The following CMIP variants were observed in gnomAD, a reference collection of about 807,000 sequenced individuals.
CMIP encodes the protein c-Maf inducing protein.
CMIP carries 13 observed loss-of-function variants against 97.3 expected under a neutral mutation model. The observed-to-expected ratio is 0.13, with a 90% CI of 0.09 to 0.21. The LOEUF (loss-of-function observed/expected upper bound fraction) is 0.21, where lower values mean the gene tolerates loss of function less well. Among genes scored for constraint, CMIP ranks in the 10% least tolerant of loss-of-function variants. The pLI, the probability that CMIP is intolerant of heterozygous loss-of-function variation, is 1.00. For synonymous variants in CMIP, 538 were observed against 436.3 expected (o/e 1.23, Z -2.91); for missense variants, 847 against 1,024.9 (o/e 0.83, Z 2.37).
chr16:81,594,927 G>A (rs1378149124), intron 1 of CMIP, among the ~76,000 whole-genome samples: 5 of 151,402 alleles, frequency 3.3e-5, no homozygotes, highest in Admixed American at 2.6e-4. Flanking sequence ...CACCGCGCCC[G>A]GCCATACCTA....
At chr16:81,523,797 G>C (rs968140314) in intron 1 of CMIP, among the ~76,000 whole-genome samples, 7 of 152,232 alleles carry the variant, frequency 4.6e-5, no homozygotes, top group Non-Finnish European at 1.0e-4. Flanking sequence ...TCACCACCAG[G>C]TAACCCTGAA....
At chr16:81,689,417 A>G (rs1905801242) in intron 10 of CMIP, among the ~76,000 whole-genome samples, 1 of 152,316 alleles carries the variant, frequency 6.6e-6, no homozygotes, top group African/African-American at 2.4e-5. Flanking sequence ...AGTGATGATG[A>G]GCATTTTTTC....
At chr16:81,567,929 C>A (rs747754263) in intron 1 of CMIP, among the ~76,000 whole-genome samples, 1 of 151,942 alleles carries the variant, frequency 6.6e-6, no homozygotes, top group African/African-American at 2.4e-5. Context: ...GTTTCATTCT[C>A]CAGGCTTTAT....
chr16:81,545,870 G>A (rs537023142), intron 1 of CMIP, among the ~76,000 whole-genome samples: 1 of 152,266 alleles, frequency 6.6e-6, no homozygotes, highest in East Asian at 1.9e-4. Flanking sequence ...GAGCGAGCAC[G>A]GGATTCCCAC....
intron 7 of CMIP, chr16:81,665,738 C>T (rs557955455): frequency 3.9e-5 from 6 of 152,364 alleles, no homozygotes; most frequent in African/African-American, 1.4e-4. Context: ...GCCCCTTCCC[C>T]AGTCAGGAAT....
chr16:81,456,165 A>G (rs2150733468), intron 1 of CMIP, among the ~76,000 whole-genome samples: 1 of 152,290 alleles, frequency 6.6e-6, no homozygotes. Context: ...GTGGCAACTG[A>G]GCTCGGGGAG....
At chr16:81,676,729 G>C (rs144582095) in intron 9 of CMIP, among the ~76,000 whole-genome samples, 1 of 152,336 alleles carries the variant, frequency 6.6e-6, no homozygotes, top group Non-Finnish European at 1.5e-5. Context: ...GCATGTGCTG[G>C]ATACATTCAG....
chr16:81,509,490 C>A (rs1057021208), intron 1 of CMIP, among the ~76,000 whole-genome samples: 1 of 152,192 alleles, frequency 6.6e-6, no homozygotes, highest in Non-Finnish European at 1.5e-5. Context: ...CCTCTCTGAG[C>A]TTCTGGTTTT....
chr16:81,611,665 C>T (rs1305772533), intron 2 of CMIP, among the ~76,000 whole-genome samples: 1 of 152,164 alleles, frequency 6.6e-6, no homozygotes. Flanking sequence ...CTCCAGGCCT[C>T]TCACCACCTC....
At chr16:81,493,379 GTCGTTA>G (rs2089436157) in intron 1 of CMIP, among the ~76,000 whole-genome samples, 4 of 151,516 alleles carry the variant, frequency 2.6e-5, no homozygotes, top group African/African-American at 9.7e-5. Context: ...GTCGTTACCT[GTCGTTA>G]CCTGTTGTCT....
intron 1 of CMIP, among the ~76,000 whole-genome samples, chr16:81,446,339 G>A (rs1226620841): frequency 1.3e-5 from 2 of 152,034 alleles, no homozygotes; most frequent in Admixed American, 6.5e-5. Flanking sequence ...TGGATGAGTC[G>A]GAGAGGAAAA....
intron 2 of CMIP, chr16:81,610,344 C>G: frequency 2.0e-6 from 2 of 985,606 alleles, no homozygotes; most frequent in Non-Finnish European, 2.4e-6. Flanking sequence ...GAGCCTCTAG[C>G]TGCTCCAGCA....
At position 81,474,140 on chromosome 16, in the gene CMIP, C is replaced by T. The variant is rs555120928; in HGVS notation, c.300+28599C>T. Among the ~76,000 whole-genome samples, 4 of 152,248 alleles carry T rather than the reference C, an allele frequency of 2.6e-5. No homozygotes were observed. The South Asian group carries it at 8.3e-4, about 32-fold the overall frequency. On this transcript the variant is annotated intron_variant, in intron 1 of 20. Transcript: ENST00000537098. ...TCAGGCTGGGCACGGCCTCTCCACT[C>T]CCCCAGCCTCCTAGCCCACTGTACT... is the stretch of plus-strand genomic sequence containing the variant.
chr16:81,478,121 A>C (rs2150753757), intron 1 of CMIP, among the ~76,000 whole-genome samples: 1 of 149,554 alleles, frequency 6.7e-6, no homozygotes, highest in Admixed American at 6.6e-5. Context: ...CTTCCCCCCC[A>C]CCCCAGAAAG....
chr16:81,505,576 C>T (rs1447215813), intron 1 of CMIP, among the ~76,000 whole-genome samples: 1 of 152,230 alleles, frequency 6.6e-6, no homozygotes, highest in African/African-American at 2.4e-5. Flanking sequence ...TTTCCCCAGA[C>T]TGTGAAGAAA....
chr16:81,667,795 A>AGTGTGTGTGTGTGT (rs1201342935), intron 7 of CMIP, among the ~76,000 whole-genome samples: 1 of 68,096 alleles, frequency 1.5e-5, no homozygotes, highest in African/African-American at 5.8e-5. Flanking sequence ...AGAGAGAGAG[A>AGTGTGTGTGTGTGT]GAGAGTGTGT....
chr16:81,560,975 T>C (rs1023271701), intron 1 of CMIP, among the ~76,000 whole-genome samples: 3 of 152,138 alleles, frequency 2.0e-5, no homozygotes, highest in African/African-American at 7.2e-5. Flanking sequence ...TTTTTTTCTT[T>C]TTGGAGACAG....
chr16:81,582,394 A>G (rs891702850), intron 1 of CMIP, among the ~76,000 whole-genome samples: 6 of 152,120 alleles, frequency 3.9e-5, no homozygotes, highest in Non-Finnish European at 8.8e-5. Flanking sequence ...CACTTATCAG[A>G]CTGAGCTTGA....
intron 10 of CMIP, among the ~76,000 whole-genome samples, chr16:81,686,841 C>G (rs1013827530): frequency 6.6e-6 from 1 of 152,146 alleles, no homozygotes; most frequent in African/African-American, 2.4e-5. Context: ...GCACGCAAAC[C>G]GATACACAGT....
Sources: allele counts gnomAD v4.1 joint callset (sites outside exome capture counted in the v4.1 genomes callset), GRCh38; gene constraint gnomAD v4.1.1; transcripts MANE v1.5; gene names NCBI Gene and HGNC (gene_info 2026-07-23, HGNC 2026-07-21).